The following CDK8 variants were observed in gnomAD, a reference collection of about 807,000 sequenced individuals.
CDK8 encodes cyclin dependent kinase 8.
In CDK8, 29 loss-of-function variants were observed where a neutral mutation model predicts 71.5. The ratio of observed to expected loss-of-function variants is 0.41; its 90% CI spans 0.30 to 0.55. CDK8 has a LOEUF of 0.55. Ranked by LOEUF, CDK8 falls within the 20% of genes least tolerant of loss-of-function variation. The probability of loss-of-function intolerance (pLI) is 0.37; values close to 1 mark genes in which losing one functional copy is unlikely to be tolerated. For missense variants in CDK8, 288 were observed against 572.6 expected, an observed-to-expected ratio of 0.50 and a Z score of 5.07; for synonymous variants, 161 against 192.1, an observed-to-expected ratio of 0.84 and a Z score of 1.34.
chr13:26,390,836 A>G (rs556878740), intron 6 of CDK8, among the ~76,000 whole-genome samples: 3 of 152,326 alleles, frequency 2.0e-5, no homozygotes, highest in Admixed American at 1.3e-4. Context: ...TAGCATGCCA[A>G]TTCCTACTAT....
chr13:26,277,725 A>G (rs1378519571), intron 1 of CDK8, among the ~76,000 whole-genome samples: 1 of 152,214 alleles, frequency 6.6e-6, no homozygotes, highest in Non-Finnish European at 1.5e-5. Context: ...TGTTGAAATA[A>G]GACAGTTGGA....
intron 4 of CDK8, among the ~76,000 whole-genome samples, chr13:26,363,249 A>G (rs994877200): frequency 2.8e-5 from 4 of 140,408 alleles, no homozygotes; most frequent in Non-Finnish European, 6.0e-5. Context: ...AATGGCGTGA[A>G]CCTGGGAGGT....
At position 26,401,686 on chromosome 13, in the gene CDK8, G is replaced by T. The variant is rs1876267997; in HGVS notation, c.1269+62G>T. The stretch of plus-strand genomic sequence containing the variant: ...TGTTTACATATGGGTTTATGATCGT[G>T]GGAAAATGTGATTTAATTGAGAAAT... On this transcript the variant is annotated intron_variant, in intron 12 of 12. Coordinates refer to ENST00000381527, the MANE Select transcript of CDK8 (RefSeq NM_001260.3). This position sits in a 1 kb window ranked among gnomAD's most constrained non-coding sequence, Gnocchi z 4.5. 3 of 1,524,558 alleles carry T rather than the reference G, an allele frequency of 2.0e-6. No homozygotes were observed. The highest frequency in any genetic ancestry group is 4.5e-5 in the East Asian group (2 of 44,310). The allele number at this position is 1,524,558 out of a possible 1,614,324, so 94.4% of individuals were successfully genotyped here. A position where few individuals can be genotyped will look rare whatever the true frequency, so the allele number is the denominator to read the frequency against.
At chr13:26,398,926 T>C (rs1876120178) in intron 9 of CDK8, among the ~76,000 whole-genome samples, 2 of 149,290 alleles carry the variant, frequency 1.3e-5, no homozygotes, top group South Asian at 4.3e-4. Context: ...ATCGTGCCAC[T>C]GCACTCTAGC....
Position 26,266,488 on chromosome 13 carries a change from G to T in CDK8, c.128+11719G>T, listed in dbSNP as rs190845353. ...GTGTACAGCTTACTGGCTGTACAGG[G>T]CAGCTTGGAGAAATACTAGGACCTT... On this transcript the variant is annotated intron_variant, in intron 1 of 12. Coordinates refer to ENST00000381527, the MANE Select transcript of CDK8 (RefSeq NM_001260.3). Among the ~76,000 whole-genome samples, 11 of 152,280 alleles carry T rather than the reference G, an allele frequency of 7.2e-5. No individual in the cohort carries two copies. In the East Asian group the frequency reaches 2.1e-3, roughly 29 times the overall value.
intron 1 of CDK8, among the ~76,000 whole-genome samples, chr13:26,294,908 C>T (rs1175484846): frequency 6.6e-6 from 1 of 152,062 alleles, no homozygotes; most frequent in Admixed American, 6.6e-5. Context: ...CACCACCATG[C>T]CCTGCTAATT....
In CDK8 at chr13:26,405,183, T is replaced by G; in HGVS notation, c.*1102T>G. ...ACAAGTATTCTGAATAAAAAATAAT[T>G]GAACATTGTTAAAAACAAGGTGTTA... On this transcript the variant is annotated 3_prime_UTR_variant, in exon 13 of 13. Coordinates refer to ENST00000381527, the MANE Select transcript of CDK8 (RefSeq NM_001260.3). The G allele has an allele frequency of 5.7e-6, 1 of 175,166 alleles. No individual in the cohort carries two copies. Among genetic ancestry groups the G allele is most frequent in the East Asian group, 1.0e-4 (1 of 9,932 alleles). 10.9% of individuals were successfully genotyped at this position (175,166 alleles called of 1,614,324 possible).
At chr13:26,291,832 A>T (rs1186566953) in intron 1 of CDK8, among the ~76,000 whole-genome samples, 1 of 152,142 alleles carries the variant, frequency 6.6e-6, no homozygotes, top group Non-Finnish European at 1.5e-5. Flanking sequence ...CATCCTGGAT[A>T]TTCCCATTAC....
intron 4 of CDK8, among the ~76,000 whole-genome samples, chr13:26,368,222 C>T (rs1273185024): frequency 6.6e-6 from 1 of 152,166 alleles, no homozygotes; most frequent in Non-Finnish European, 1.5e-5. Flanking sequence ...TTTCTGTCAC[C>T]ACTACTCTAA....
intron 1 of CDK8, among the ~76,000 whole-genome samples, chr13:26,318,024 A>C (rs1362608384): frequency 6.6e-6 from 1 of 152,108 alleles, no homozygotes; most frequent in Non-Finnish European, 1.5e-5. Flanking sequence ...AAAGTTGGCA[A>C]ACCTTTAGCT....
chr13:26,371,692 T>G (rs1292791265), intron 4 of CDK8, among the ~76,000 whole-genome samples: 2 of 152,126 alleles, frequency 1.3e-5, no homozygotes, highest in Admixed American at 1.3e-4. Flanking sequence ...CTTGGCTCAC[T>G]GCAACCTCCG....
At chr13:26,267,154 A>G (rs35988155) in intron 1 of CDK8, among the ~76,000 whole-genome samples, 11,721 of 149,914 alleles carry the variant, frequency 0.078, 618 homozygotes, top group Middle Eastern at 0.14. Flanking sequence ...GCATATATTA[A>G]TAAATATGTA....
chr13:26,392,949 G>C (rs1048500980), intron 6 of CDK8, among the ~76,000 whole-genome samples: 2 of 150,164 alleles, frequency 1.3e-5, no homozygotes, highest in African/African-American at 2.5e-5. Flanking sequence ...TTCAAATACT[G>C]TTTGGGTTTT....
intron 4 of CDK8, among the ~76,000 whole-genome samples, chr13:26,371,136 T>C (rs1331569819): frequency 6.6e-6 from 1 of 152,118 alleles, no homozygotes; most frequent in African/African-American, 2.4e-5. Flanking sequence ...TAAGAGTCAC[T>C]GTGGTAGTGA....
chr13:26,346,555 C>T (rs943134255), intron 2 of CDK8, among the ~76,000 whole-genome samples: 9 of 152,176 alleles, frequency 5.9e-5, no homozygotes, highest in African/African-American at 2.2e-4. Context: ...ATTAAGACTA[C>T]CTTAGCACGA....
chr13:26,327,297 A>T (rs1875063164), intron 1 of CDK8, among the ~76,000 whole-genome samples: 1 of 152,192 alleles, frequency 6.6e-6, no homozygotes, highest in African/African-American at 2.4e-5. Flanking sequence ...CATTGTAGGA[A>T]TGTTGACCAA....
chr13:26,387,543 G>A (rs1226907697), intron 6 of CDK8, among the ~76,000 whole-genome samples: 1 of 152,190 alleles, frequency 6.6e-6, no homozygotes, highest in African/African-American at 2.4e-5. Flanking sequence ...GGCCCATGCT[G>A]TATGTACCTG....
chr13:26,346,072 C>A (rs1873450963), intron 2 of CDK8, among the ~76,000 whole-genome samples: 1 of 152,218 alleles, frequency 6.6e-6, no homozygotes, highest in African/African-American at 2.4e-5. Context: ...ATAGTAGTTA[C>A]AAGTACTGGC....
At chr13:26,398,406 C>T (rs1876093711) in intron 9 of CDK8, among the ~76,000 whole-genome samples, 1 of 152,132 alleles carries the variant, frequency 6.6e-6, no homozygotes, top group Non-Finnish European at 1.5e-5. Flanking sequence ...TAGGATGACT[C>T]TGCCTACCAT....
Sources: allele counts gnomAD v4.1 joint callset (sites outside exome capture counted in the v4.1 genomes callset), GRCh38; gene constraint gnomAD v4.1.1; non-coding constraint Gnocchi (gnomAD v3.1); transcripts MANE v1.5; gene names NCBI Gene and HGNC (gene_info 2026-07-23, HGNC 2026-07-21).